ZNF609: variants seen among roughly 807,000 people sequenced by gnomAD.
ZNF609 encodes zinc finger protein 609.
ZNF609 carries 11 observed loss-of-function variants against 109.5 expected under a neutral mutation model. That is an observed-to-expected ratio of 0.10 (90% CI 0.06 to 0.17). ZNF609 has a LOEUF of 0.17. ZNF609 is among the 10% of genes least tolerant of loss of function. The pLI, the probability that ZNF609 is intolerant of heterozygous loss-of-function variation, is 1.00. For missense variants in ZNF609, 1,559 were observed against 1,772.4 expected, an observed-to-expected ratio of 0.88 and a Z score of 2.16; for synonymous variants, 646 against 662.0, an observed-to-expected ratio of 0.98 and a Z score of 0.37.
intron 2 of ZNF609, among the ~76,000 whole-genome samples, chr15:64,560,425 AG>A (rs1467379503): frequency 6.6e-6 from 1 of 151,270 alleles, no homozygotes; most frequent in East Asian, 1.9e-4. Flanking sequence ...TATTCCATCT[AG>A]ATAGTGTTTA....
intron 5 of ZNF609, among the ~76,000 whole-genome samples, chr15:64,677,487 C>T (rs1896825371): frequency 6.6e-6 from 1 of 152,150 alleles, no homozygotes; most frequent in Non-Finnish European, 1.5e-5. Context: ...TATCTCGATT[C>T]CTTGTCCGTG....
chr15:64,533,998 A>T (rs1215805553), intron 2 of ZNF609, among the ~76,000 whole-genome samples: 1 of 149,760 alleles, frequency 6.7e-6, no homozygotes, highest in African/African-American at 2.5e-5. Flanking sequence ...CAACACAGCA[A>T]TCACTGTTAT....
At chr15:64,532,310 A>G (rs146761798) in intron 2 of ZNF609, among the ~76,000 whole-genome samples, 45 of 152,300 alleles carry the variant, frequency 3.0e-4, no homozygotes, top group African/African-American at 1.0e-3. Flanking sequence ...TACTATGTGT[A>G]TACTTTATTA....
At chr15:64,616,071 C>T (rs1251280027) in intron 2 of ZNF609, among the ~76,000 whole-genome samples, 6 of 151,994 alleles carry the variant, frequency 3.9e-5, no homozygotes, top group East Asian at 3.9e-4. Flanking sequence ...CAGGCTGAAG[C>T]GCAGTGGTGC....
chr15:64,484,709 C>T (rs1341872913), intron 1 of ZNF609, among the ~76,000 whole-genome samples: 1 of 132,624 alleles, frequency 7.5e-6, no homozygotes, highest in Non-Finnish European at 1.6e-5. Context: ...GATGCGGTGG[C>T]TTATGCCTGT....
At chr15:64,503,865 A>C (rs1297382516) in intron 2 of ZNF609, among the ~76,000 whole-genome samples, 1 of 152,178 alleles carries the variant, frequency 6.6e-6, no homozygotes, top group Admixed American at 6.5e-5. Flanking sequence ...TGCTCTTTCA[A>C]CTTCTGATCA....
chr15:64,650,169 C>T (rs188480572), intron 3 of ZNF609, among the ~76,000 whole-genome samples: 2 of 150,904 alleles, frequency 1.3e-5, no homozygotes, highest in East Asian at 1.9e-4. Flanking sequence ...TTTGGGAGGC[C>T]GAGGCCGGTG....
At chr15:64,570,191 A>G (rs532341607) in intron 2 of ZNF609, among the ~76,000 whole-genome samples, 1 of 152,294 alleles carries the variant, frequency 6.6e-6, no homozygotes, top group South Asian at 2.1e-4. Flanking sequence ...CACTTTATAC[A>G]TGAGCATAGT....
intron 3 of ZNF609, among the ~76,000 whole-genome samples, chr15:64,640,459 A>G (rs764926480): frequency 6.6e-6 from 1 of 152,018 alleles, no homozygotes; most frequent in Non-Finnish European, 1.5e-5. Context: ...AAACTCTGAA[A>G]CAGTCAAGTA....
intron 2 of ZNF609, among the ~76,000 whole-genome samples, chr15:64,506,452 G>A (rs1733457883): frequency 6.7e-6 from 1 of 149,796 alleles, no homozygotes; most frequent in African/African-American, 2.5e-5. Context: ...CGGGCGCGGT[G>A]GCTCACGCCT....
chr15:64,460,576 C>T (rs950977058), upstream of ZNF609, among the ~76,000 whole-genome samples: 1 of 152,080 alleles, frequency 6.6e-6, no homozygotes, highest in Non-Finnish European at 1.5e-5. Context: ...CCGGGTGACT[C>T]TGGTTGTCCC....
At chr15:64,612,569 C>T (rs950355877) in intron 2 of ZNF609, among the ~76,000 whole-genome samples, 1 of 150,790 alleles carries the variant, frequency 6.6e-6, no homozygotes, top group African/African-American at 2.4e-5. Context: ...GATTTATAAT[C>T]AAATTCTTTT....
At chr15:64,478,157 T>TGTGTGG (rs1229932271) in intron 1 of ZNF609, among the ~76,000 whole-genome samples, 2 of 80,666 alleles carry the variant, frequency 2.5e-5, no homozygotes, top group Non-Finnish European at 4.4e-5. Context: ...AGAATAAAGG[T>TGTGTGG]GTGTGTGTGT....
At chr15:64,658,486 C>G (rs942918737) in intron 3 of ZNF609, among the ~76,000 whole-genome samples, 1 of 151,858 alleles carries the variant, frequency 6.6e-6, no homozygotes, top group Admixed American at 6.6e-5. Flanking sequence ...TGTGAGCCAC[C>G]GCGTCCAGCC....
intron 8 of ZNF609, 118 bp from the exon 9 acceptor site, chr15:64,681,191 C>T: frequency 1.1e-6 from 1 of 884,352 alleles, no homozygotes; most frequent in South Asian, 1.5e-5. Flanking sequence ...CTATCTCCAG[C>T]AAATATATCT....
At position 64,516,949 on chromosome 15, in the gene ZNF609, T is replaced by C. The variant is rs569938547; in HGVS notation, c.747+16783T>C. 1.6e-4 allele frequency among the ~76,000 whole-genome samples: 24 copies of C among 152,320 alleles called. No homozygotes were observed. In the South Asian group the frequency reaches 5.0e-3, roughly 32 times the overall value. On this transcript the variant is annotated intron_variant, in intron 2 of 9. Transcript: ENST00000326648. Reference sequence around the variant, plus strand: ...TTCACCAGGTTCCAGCAGTCCCTTATACTATATCAATTTCTTCTCTCCTTA... The same window carrying C: ...TTCACCAGGTTCCAGCAGTCCCTTACACTATATCAATTTCTTCTCTCCTTA...
chr15:64,528,832 C>T (rs1420223339), intron 2 of ZNF609: 2 of 844,740 alleles, frequency 2.4e-6, no homozygotes. Flanking sequence ...CGAAGGAGAC[C>T]ATCTGGTGCT....
intron 1 of ZNF609, among the ~76,000 whole-genome samples, chr15:64,469,799 C>T (rs558770646): frequency 9.9e-5 from 15 of 152,128 alleles, no homozygotes; most frequent in Middle Eastern, 3.4e-3. Context: ...GAGGCCGAGG[C>T]GGGTGGATCA....
intron 6 of ZNF609, among the ~76,000 whole-genome samples, chr15:64,679,733 C>T (rs538380084): frequency 1.3e-5 from 2 of 152,178 alleles, no homozygotes; most frequent in African/African-American, 2.4e-5. Context: ...TTTTAATCCT[C>T]CCTATCACCT....
Sources: gnomAD v4.1 joint callset for allele counts (sites outside exome capture counted in the v4.1 genomes callset) on GRCh38, gnomAD v4.1.1 for gene constraint, MANE v1.5 for transcripts, NCBI Gene and HGNC (gene_info 2026-07-23, HGNC 2026-07-21) for gene names.